Variants in LSAMP observed in about 807,000 individuals in gnomAD.
LSAMP encodes the protein limbic system associated membrane protein.
LSAMP carries 7 observed loss-of-function variants against 38.6 expected under a neutral mutation model. The observed-to-expected ratio is 0.18, with a 90% CI of 0.10 to 0.34. The LOEUF (loss-of-function observed/expected upper bound fraction) is 0.34, where lower values mean the gene tolerates loss of function less well. Among genes scored for constraint, LSAMP ranks in the 10% least tolerant of loss-of-function variants. LSAMP has a pLI of 1.00. For missense variants in LSAMP, 313 were observed against 420.0 expected (o/e 0.75, Z 2.23); for synonymous variants, 154 against 166.8 (o/e 0.92, Z 0.59).
chr3:116,444,754 T>C, intron 1 of LSAMP, 123 bp downstream of exon 1: 1 of 1,240,608 alleles, frequency 8.1e-7, no homozygotes, highest in Non-Finnish European at 1.1e-6. Flanking sequence ...ACCACAAGCC[T>C]GCAGCATCAG....
At chr3:116,313,387 C>A (rs2047584118) in intron 1 of LSAMP, among the ~76,000 whole-genome samples, 1 of 152,174 alleles carries the variant, frequency 6.6e-6, no homozygotes, top group African/African-American at 2.4e-5. Flanking sequence ...CCCAGCAAGG[C>A]CACATGGGAC....
At chr3:115,916,349 T>C (rs1452646479) in intron 3 of LSAMP, among the ~76,000 whole-genome samples, 1 of 152,194 alleles carries the variant, frequency 6.6e-6, no homozygotes, top group South Asian at 2.1e-4. Context: ...ATTCAACACA[T>C]ATGAAACGTA....
At chr3:115,854,240 A>G (rs1282888472) in intron 3 of LSAMP, among the ~76,000 whole-genome samples, 1 of 147,876 alleles carries the variant, frequency 6.8e-6, no homozygotes, top group Non-Finnish European at 1.5e-5. Context: ...AGTCTATAGC[A>G]TATAGTTAAA....
chr3:116,289,744 A>G (rs2047239112), intron 1 of LSAMP, among the ~76,000 whole-genome samples: 1 of 152,212 alleles, frequency 6.6e-6, no homozygotes. Context: ...CTGTCCCAGC[A>G]CAAACCTGCT....
At chr3:116,057,192 C>T (rs1941505297) in intron 2 of LSAMP, among the ~76,000 whole-genome samples, 1 of 152,080 alleles carries the variant, frequency 6.6e-6, no homozygotes, top group Non-Finnish European at 1.5e-5. Flanking sequence ...TATTGCTTTG[C>T]TTAGTGGCAC....
intron 1 of LSAMP, among the ~76,000 whole-genome samples, chr3:116,214,247 TA>T (rs1201094141): frequency 6.6e-6 from 1 of 152,192 alleles, no homozygotes; most frequent in Non-Finnish European, 1.5e-5. Context: ...GTTTACTTTC[TA>T]AAAAGGCTTA....
intron 1 of LSAMP, among the ~76,000 whole-genome samples, chr3:116,269,343 ATAT>A (rs879937617): frequency 6.6e-5 from 10 of 151,310 alleles, no homozygotes; most frequent in Admixed American, 1.3e-4. Flanking sequence ...TGCAACACAC[ATAT>A]TATATACCCT....
chr3:116,315,500 C>A (rs752867971), intron 1 of LSAMP, among the ~76,000 whole-genome samples: 8 of 152,010 alleles, frequency 5.3e-5, no homozygotes, highest in Non-Finnish European at 1.2e-4. Context: ...ATTTAGTATC[C>A]CCTATCTGAC....
chr3:115,966,714 ACCATAAGCATAATATGAT>A (rs940999449), intron 3 of LSAMP, among the ~76,000 whole-genome samples: 45 of 152,332 alleles, frequency 3.0e-4, no homozygotes, highest in African/African-American at 1.1e-3. Flanking sequence ...CTCTGAAGAA[ACCATAAGCATAATATGAT>A]CCATAAGCAT....
chr3:116,291,213 G>A (rs1284168943), intron 1 of LSAMP, among the ~76,000 whole-genome samples: 1 of 152,092 alleles, frequency 6.6e-6, no homozygotes, highest in African/African-American at 2.4e-5. Context: ...TCACATATAT[G>A]GATAGGTGAA....
chr3:116,221,574 G>A (rs567729907), intron 1 of LSAMP, among the ~76,000 whole-genome samples: 1 of 152,172 alleles, frequency 6.6e-6, no homozygotes, highest in East Asian at 1.9e-4. Context: ...GCCTGTGTGT[G>A]TCCTTCTAGA....
In LSAMP at chr3:116,155,674, A is replaced by G. The variant is rs576491532; in HGVS notation, c.156-69118T>C. 1.2e-4 allele frequency among the ~76,000 whole-genome samples: 18 copies of G among 152,186 alleles called. 1 individual carries two copies. The South Asian group carries it at 3.7e-3, about 32-fold the overall frequency. On this transcript the variant is annotated intron_variant, in intron 1 of 6. Transcript: ENST00000490035. ...GTGTGTGTCTGTGTCTGTAAAACAT[A>G]CATACATATATATACATACATATGC...
intron 2 of LSAMP, among the ~76,000 whole-genome samples, chr3:116,076,424 A>AG (rs1707745063): frequency 6.6e-6 from 1 of 151,750 alleles, no homozygotes; most frequent in Admixed American, 6.6e-5. Flanking sequence ...CGCCCAGCTA[A>AG]TTTTTTGTAT....
chr3:116,356,304 A>T (rs1332476900), intron 1 of LSAMP, among the ~76,000 whole-genome samples: 1 of 152,224 alleles, frequency 6.6e-6, no homozygotes, highest in African/African-American at 2.4e-5. Flanking sequence ...AGACATTGTT[A>T]AGTGAAGTAA....
intron 2 of LSAMP, among the ~76,000 whole-genome samples, chr3:116,082,273 T>G (rs1707887326): frequency 6.6e-6 from 1 of 152,198 alleles, no homozygotes; most frequent in Non-Finnish European, 1.5e-5. Flanking sequence ...CTGTAGAGTT[T>G]TATATATAAT....
At chr3:116,339,815 C>T (rs1341685749) in intron 1 of LSAMP, among the ~76,000 whole-genome samples, 1 of 152,074 alleles carries the variant, frequency 6.6e-6, no homozygotes, top group African/African-American at 2.4e-5. Context: ...CTAGCATTAA[C>T]TGCCACATAT....
At chr3:116,035,758 T>G (rs1176843922) in intron 2 of LSAMP, among the ~76,000 whole-genome samples, 2 of 152,184 alleles carry the variant, frequency 1.3e-5, no homozygotes, top group African/African-American at 4.8e-5. Context: ...GCTCTTAACT[T>G]TCAATGTGCT....
At chr3:116,437,975 T>C (rs921589259) in intron 1 of LSAMP, among the ~76,000 whole-genome samples, 5 of 150,196 alleles carry the variant, frequency 3.3e-5, no homozygotes, top group African/African-American at 1.2e-4. Flanking sequence ...CCTACAGTAA[T>C]TAACAAAATC....
At chr3:116,057,347 G>C (rs1403329964) in intron 2 of LSAMP, among the ~76,000 whole-genome samples, 2 of 152,162 alleles carry the variant, frequency 1.3e-5, no homozygotes, top group East Asian at 3.8e-4. Context: ...TCTTCATGTA[G>C]AGTTGTCTTT....
Sources: gnomAD v4.1 joint callset for allele counts (sites outside exome capture counted in the v4.1 genomes callset) on GRCh38, gnomAD v4.1.1 for gene constraint, MANE v1.5 for transcripts, NCBI Gene and HGNC (gene_info 2026-07-23, HGNC 2026-07-21) for gene names.